Variants in FHL2 observed in about 807,000 individuals in gnomAD.
The protein encoded by FHL2 is four and a half LIM domains 2, also known as four and a half LIM domains protein 2.
Under a neutral mutation model 32.7 loss-of-function variants are expected in FHL2, and 20 were observed. That is an observed-to-expected ratio of 0.61 (90% confidence interval 0.43 to 0.89). FHL2 has a LOEUF of 0.89. Among genes scored for constraint, FHL2 ranks in the 40% least tolerant of loss-of-function variants. FHL2 has a pLI of 0.00. For synonymous variants in FHL2, 123 were observed against 128.1 expected (o/e 0.96, Z 0.27); for missense variants, 311 against 358.6 (o/e 0.87, Z 1.07).
At position 105,432,951 on chromosome 2, in the gene FHL2, T is replaced by C. The variant is rs548116304; in HGVS notation, c.-25+5448A>G. On this transcript the variant is annotated intron_variant, in intron 1 of 5. Coordinates refer to the FHL2 transcript ENST00000393352. The stretch of plus-strand genomic sequence containing the variant: ...CCAAGAAGAGAAACTTCTAGCTCCT[T>C]CCTTTGGATTTCAACACTCCTAGAA... Among the ~76,000 whole-genome samples the C allele has an allele frequency of 1.5e-3, 222 of 152,158 alleles. 3 individuals carry two copies. The highest frequency in any genetic ancestry group is 2.5e-3 in the Non-Finnish European group (167 of 68,006).
chr2:105,368,815 G>T (rs574246879), intron 4 of FHL2, among the ~76,000 whole-genome samples: 1 of 152,292 alleles, frequency 6.6e-6, no homozygotes, highest in South Asian at 2.1e-4. Context: ...AGAACAATCT[G>T]GGGAAATAAG....
chr2:105,384,513 T>G (rs551222700), intron 3 of FHL2, among the ~76,000 whole-genome samples: 1 of 151,982 alleles, frequency 6.6e-6, no homozygotes, highest in Admixed American at 6.6e-5. Flanking sequence ...CCAGTTTTTT[T>G]TGGGTCTTTT....
chr2:105,435,916 C>G (rs1684595933), intron 1 of FHL2, among the ~76,000 whole-genome samples: 1 of 152,156 alleles, frequency 6.6e-6, no homozygotes, highest in African/African-American at 2.4e-5. Flanking sequence ...TCTGCTCCTC[C>G]TTAATAAAAC....
At chr2:105,366,748 A>T (rs1056650510) in intron 5 of FHL2, among the ~76,000 whole-genome samples, 33 of 151,980 alleles carry the variant, frequency 2.2e-4, no homozygotes, top group African/African-American at 7.3e-4. Context: ...TTATTTATTT[A>T]TTTTTTTAAT....
At chr2:105,413,256 C>G (rs1291066207) in intron 1 of FHL2, among the ~76,000 whole-genome samples, 1 of 152,174 alleles carries the variant, frequency 6.6e-6, no homozygotes, top group Admixed American at 6.5e-5. Flanking sequence ...ACCCTCTTCC[C>G]TATTTCTTCA....
intron 4 of FHL2, among the ~76,000 whole-genome samples, chr2:105,367,959 C>T (rs1380263793): frequency 2.0e-5 from 3 of 152,162 alleles, no homozygotes; most frequent in Admixed American, 6.5e-5. Context: ...TAGAACAACA[C>T]GTGTACATTT....
rs372489740 is a variant in FHL2, at chr2:105,418,882, C to T, written c.-25+19517G>A. ...ATTATTATTTATTGTTAATCTCTTA[C>T]GGTGACTAGTTTATAAGTTAAAATT... is the stretch of plus-strand genomic sequence containing the variant. On this transcript the variant is annotated intron_variant, in intron 1 of 5. Coordinates refer to the FHL2 transcript ENST00000393352. 1.5e-4 allele frequency among the ~76,000 whole-genome samples: 23 copies of T among 152,216 alleles called. No homozygotes were observed. The South Asian group carries it at 2.7e-3, about 18-fold the overall frequency.
chr2:105,366,613 C>T (rs1680650869), intron 5 of FHL2, among the ~76,000 whole-genome samples: 1 of 152,184 alleles, frequency 6.6e-6, no homozygotes, highest in African/African-American at 2.4e-5. Flanking sequence ...TAAGCTACAC[C>T]CTGAAGGGTG....
upstream of FHL2, among the ~76,000 whole-genome samples, chr2:105,400,669 T>C (rs1310287679): frequency 2.0e-5 from 3 of 146,824 alleles, no homozygotes; most frequent in African/African-American, 7.6e-5. Flanking sequence ...TTCTGATTCC[T>C]TTTGTCTTAT....
chr2:105,368,873 T>G (rs982006438), intron 4 of FHL2, among the ~76,000 whole-genome samples: 14 of 152,242 alleles, frequency 9.2e-5, no homozygotes, highest in Non-Finnish European at 1.8e-4. Context: ...CCGGACTAGC[T>G]GAGGGGCCTG....
intron 2 of FHL2, among the ~76,000 whole-genome samples, chr2:105,391,608 G>A (rs1342092530): frequency 6.6e-6 from 1 of 152,142 alleles, no homozygotes; most frequent in Non-Finnish European, 1.5e-5. Flanking sequence ...GTGGAGAAAC[G>A]GACAGCCCAG....
chr2:105,399,165 C>T (rs529897641), upstream of FHL2: 74 of 1,388,412 alleles, frequency 5.3e-5, no homozygotes, highest in Middle Eastern at 1.9e-4. Context: ...GGCGGGCGCC[C>T]CCAGGCCTCG....
rs1416836736 is a variant in FHL2 at position 105,361,567 on chromosome 2, TG to T, written c.689-134del. The T allele has an allele frequency of 8.4e-6, 6 of 711,034 alleles. No homozygotes were observed. In the African/African-American group the frequency reaches 1.1e-4, roughly 13 times the overall value. 44.0% of individuals were successfully genotyped at this position (711,034 alleles called of 1,614,324 possible). ...ATGGATAATGTGAATTTCTAGTGAC[TG>T]GGTGTTGGGAATCCATATGTAAATC... On this transcript the variant is annotated intron_variant, in intron 6 of 6. Transcript: ENST00000530340.
intron 1 of FHL2, among the ~76,000 whole-genome samples, chr2:105,429,327 A>T (rs558628272): frequency 8.5e-5 from 13 of 152,344 alleles, no homozygotes; most frequent in African/African-American, 2.9e-4. Flanking sequence ...GACACCTTAC[A>T]TGGCAAGAGG....
At chr2:105,436,922 C>A (rs1684631111) in intron 1 of FHL2, among the ~76,000 whole-genome samples, 3 of 152,086 alleles carry the variant, frequency 2.0e-5, no homozygotes, top group African/African-American at 7.2e-5. Flanking sequence ...GTCTCTGGGC[C>A]ATATCTTGTA....
intron 1 of FHL2, among the ~76,000 whole-genome samples, chr2:105,434,797 G>A (rs1684539957): frequency 6.6e-6 from 1 of 151,352 alleles, no homozygotes; most frequent in Non-Finnish European, 1.5e-5. Context: ...TTTTTTAAAT[G>A]GGGTCTTGAT....
At chr2:105,438,500 G>C in exon 1 of FHL2, 1 of 985,572 alleles carries the variant, frequency 1.0e-6, no homozygotes, top group Non-Finnish European at 1.2e-6. Flanking sequence ...CTTCTGTGCA[G>C]CTGCCAGCCA....
chr2:105,370,472 A>G (rs1406705063), intron 4 of FHL2, among the ~76,000 whole-genome samples: 1 of 151,986 alleles, frequency 6.6e-6, no homozygotes, highest in Non-Finnish European at 1.5e-5. Context: ...GTGCATCTGT[A>G]AGCAACGTCT....
intron 5 of FHL2, among the ~76,000 whole-genome samples, chr2:105,366,112 G>A (rs1293450263): frequency 6.6e-6 from 1 of 152,038 alleles, no homozygotes; most frequent in Non-Finnish European, 1.5e-5. Flanking sequence ...GGGAGGCTGA[G>A]GCAGGAGAAA....
Sources: allele counts gnomAD v4.1 joint callset (sites outside exome capture counted in the v4.1 genomes callset), GRCh38; gene constraint gnomAD v4.1.1; transcripts MANE v1.5; gene names NCBI Gene and HGNC (gene_info 2026-07-23, HGNC 2026-07-21).